Variants in BAZ1B observed in about 807,000 individuals in gnomAD.
BAZ1B encodes the protein tyrosine-protein kinase BAZ1B.
BAZ1B carries 22 observed loss-of-function variants against 153.8 expected under a neutral mutation model. The observed-to-expected ratio is 0.14, with a 90% CI of 0.10 to 0.20. The LOEUF (loss-of-function observed/expected upper bound fraction) is 0.20, where lower values mean the gene tolerates loss of function less well. Among genes scored for constraint, BAZ1B ranks in the 10% least tolerant of loss-of-function variants. The pLI is 1.00. For synonymous variants in BAZ1B, 676 were observed against 633.4 expected (o/e 1.07, Z -1.01); for missense variants, 1,325 against 1,799.3 (o/e 0.74, Z 4.77).
rs782294803 is a variant in BAZ1B, at chr7:73,442,793, G to A, written c.4026C>T (p.Ser1342=). The change falls in exon 18 of 20, where the codon AGC becomes AGT. Residue 1342 remains serine (S), a synonymous_variant. Transcript: ENST00000339594. ...TCTCTTCACACTTCTGCAGCTCCAGGCTTTGCCTCCGGGAGCTCCGCTTGG... is the reference window on the plus strand; with the variant it reads ...TCTCTTCACACTTCTGCAGCTCCAGACTTTGCCTCCGGGAGCTCCGCTTGG... ...LQTKRSSRRQ[S]LELQKCEEIL... is the part of the protein sequence containing the mutation. The A allele has an allele frequency of 1.9e-6, 3 of 1,614,014 alleles. No homozygotes were observed. Among genetic ancestry groups the A allele is most frequent in the African/African-American group, 2.7e-5 (2 of 74,926 alleles).
chr7:73,502,650 T>C (rs1207930170), intron 3 of BAZ1B, among the ~76,000 whole-genome samples: 1 of 151,900 alleles, frequency 6.6e-6, no homozygotes, highest in Admixed American at 6.6e-5. Context: ...CCAGGCATTA[T>C]AGCTACAGTC....
intron 11 of BAZ1B, among the ~76,000 whole-genome samples, chr7:73,465,142 C>T (rs528631526): frequency 6.6e-6 from 1 of 152,268 alleles, no homozygotes; most frequent in Non-Finnish European, 1.5e-5. Context: ...TGGACACCCA[C>T]CCATCTGGGC....
chr7:73,516,453 CA>C (rs1469873944), intron 1 of BAZ1B, among the ~76,000 whole-genome samples: 1 of 151,972 alleles, frequency 6.6e-6, no homozygotes, highest in African/African-American at 2.4e-5. Flanking sequence ...TGTCCTCTGA[CA>C]GTATTAACTT....
Position 73,521,915 on chromosome 7 carries a change from G to C in BAZ1B, c.19C>G (p.Arg7Gly). The change falls in exon 1 of 20, where the codon CGC becomes GGC. Residue 7 changes from arginine (R) to glycine (G), a missense_variant. Around this residue, in one of 9 missense-constraint regions of BAZ1B, gnomAD observed 61 missense variants for 61.5 expected, o/e 0.99. Transcript: ENST00000339594. Reference protein sequence around the residue: MAPLLGRKPFPLVKPLP... With the variant: MAPLLGGKPFPLVKPLP... ...GGCTTCACCAGCGGGAAGGGCTTGCGGCCCAGGAGCGGCGCCATCGCGGCG... is the reference window on the plus strand; with the variant it reads ...GGCTTCACCAGCGGGAAGGGCTTGCCGCCCAGGAGCGGCGCCATCGCGGCG... 1 of 1,476,576 alleles carries C rather than the reference G, an allele frequency of 6.8e-7. No individual in the cohort carries two copies. 91.5% of individuals were successfully genotyped at this position (1,476,576 alleles called of 1,614,324 possible).
intron 4 of BAZ1B, among the ~76,000 whole-genome samples, chr7:73,496,255 G>A (rs777431489): frequency 2.0e-5 from 3 of 152,142 alleles, no homozygotes; most frequent in Non-Finnish European, 4.4e-5. Context: ...GTATCAAAAA[G>A]AAGAGGGAAA....
rs1788448678 is a variant in BAZ1B at position 73,463,026 on chromosome 7, G to C, written c.3145C>G (p.Gln1049Glu). 2 of 1,613,948 alleles carry C rather than the reference G, an allele frequency of 1.2e-6. No homozygotes were observed. Among genetic ancestry groups the C allele is most frequent in the Non-Finnish European group, 1.7e-6 (2 of 1,179,924 alleles). The change falls in exon 12 of 20, where the codon CAG becomes GAG. Residue 1049 changes from glutamine to glutamate, a missense_variant. Around this residue, in one of 9 missense-constraint regions of BAZ1B, gnomAD observed 431 missense variants for 563.5 expected, o/e 0.76. Coordinates refer to ENST00000339594, the MANE Select transcript of BAZ1B (RefSeq NM_032408.4). ...CTACGAAGGAAGTTTAAAAGCTCCT[G>C]GTTGCCATCACAAGATTTTAGACCC... ...NLGLKSCDGNQELLNFLRSDL... is the reference protein window; with the variant it reads ...NLGLKSCDGNEELLNFLRSDL...
At chr7:73,456,297 A>G (rs1397452162) in intron 13 of BAZ1B, among the ~76,000 whole-genome samples, 1 of 152,246 alleles carries the variant, frequency 6.6e-6, no homozygotes, top group East Asian at 1.9e-4. Flanking sequence ...ATGGAAAAAA[A>G]TAGGTTAAGT....
At chr7:73,466,876 T>C (rs537588211) in intron 9 of BAZ1B, among the ~76,000 whole-genome samples, 1 of 152,338 alleles carries the variant, frequency 6.6e-6, no homozygotes, top group South Asian at 2.1e-4. Context: ...TAGATATATC[T>C]TGAGCCAATT....
intron 1 of BAZ1B, among the ~76,000 whole-genome samples, chr7:73,517,298 G>A (rs1430112445): frequency 1.3e-5 from 2 of 152,066 alleles, no homozygotes; most frequent in Admixed American, 6.6e-5. Flanking sequence ...TCCAAGACCA[G>A]CCGGGGCAAC....
chr7:73,453,225 T>C (rs1385486984), intron 13 of BAZ1B, among the ~76,000 whole-genome samples: 1 of 152,268 alleles, frequency 6.6e-6, no homozygotes, highest in Non-Finnish European at 1.5e-5. Context: ...ATAATGCCAT[T>C]TTAATGCAGA....
At chr7:73,474,421 G>A in intron 7 of BAZ1B, among the ~76,000 whole-genome samples, 1 of 152,176 alleles carries the variant, frequency 6.6e-6, no homozygotes, top group East Asian at 1.9e-4. Context: ...AGAATAAATA[G>A]ATAAAATGAA....
At chr7:73,489,065 T>A in intron 6 of BAZ1B, 129 bp downstream of exon 6, 1 of 914,128 alleles carries the variant, frequency 1.1e-6, no homozygotes, top group Non-Finnish European at 1.6e-6. Context: ...GTAACAGATA[T>A]ACCTGAAAAA....
At chr7:73,447,947 G>A (rs1259070828) in intron 15 of BAZ1B, among the ~76,000 whole-genome samples, 1 of 152,188 alleles carries the variant, frequency 6.6e-6, no homozygotes, top group Non-Finnish European at 1.5e-5. Context: ...CAGCTGGGAT[G>A]GAGTGCAAAA....
rs10557903 is a variant in BAZ1B, at chr7:73,445,028, AACACACACAC to A, written c.3845-909_3845-900del. On this transcript the variant is annotated intron_variant, in intron 16 of 19. Coordinates refer to ENST00000339594, the MANE Select transcript of BAZ1B (RefSeq NM_032408.4). ...TAACTCCATCTCACAAAAGAAAAAAAACACACACACACACACACACAAAGGCACTGAGACT... is the reference window on the plus strand; with the variant it reads ...TAACTCCATCTCACAAAAGAAAAAAAACACACACACAAAGGCACTGAGACT... 5.3e-3 allele frequency among the ~76,000 whole-genome samples: 795 copies of A among 148,608 alleles called. 8 individuals are homozygous for A. Among genetic ancestry groups the A allele is most frequent in the African/African-American group, 0.018 (720 of 40,288 alleles).
chr7:73,459,201 T>C (rs1788306293), intron 13 of BAZ1B, among the ~76,000 whole-genome samples: 1 of 151,286 alleles, frequency 6.6e-6, no homozygotes, highest in Non-Finnish European at 1.5e-5. Context: ...TGAGCTGAGA[T>C]TGCACCACTG....
intron 6 of BAZ1B, among the ~76,000 whole-genome samples, chr7:73,480,207 C>T (rs1789150246): frequency 6.6e-6 from 1 of 151,390 alleles, no homozygotes. Context: ...CATTGCCAGG[C>T]ACCTCAAACG....
intron 3 of BAZ1B, among the ~76,000 whole-genome samples, chr7:73,504,596 G>A (rs893707921): frequency 4.2e-4 from 64 of 152,002 alleles, no homozygotes; most frequent in Non-Finnish European, 6.6e-4. Flanking sequence ...CCCGGGAGGC[G>A]GAGCTTGCAA....
intron 5 of BAZ1B, among the ~76,000 whole-genome samples, chr7:73,492,039 C>T (rs1025475171): frequency 2.1e-5 from 3 of 141,578 alleles, no homozygotes; most frequent in Non-Finnish European, 4.5e-5. Flanking sequence ...GTTGCCCAGG[C>T]TGGAGTGCAG....
chr7:73,503,823 C>T (rs1170039374), intron 3 of BAZ1B, among the ~76,000 whole-genome samples: 3 of 152,106 alleles, frequency 2.0e-5, no homozygotes, highest in Admixed American at 1.3e-4. Context: ...CTCCCCTTGC[C>T]CTCTAGATTC....
Sources: allele counts gnomAD v4.1 joint callset (sites outside exome capture counted in the v4.1 genomes callset), GRCh38; gene constraint gnomAD v4.1.1; regional missense constraint gnomAD v4.1.1; transcripts MANE v1.5; gene names NCBI Gene and HGNC (gene_info 2026-07-23, HGNC 2026-07-21).